Variants in SGCZ observed in about 807,000 individuals in gnomAD.
The protein encoded by SGCZ is sarcoglycan zeta, also known as zeta-sarcoglycan.
In SGCZ, 40 loss-of-function variants were observed where a neutral mutation model predicts 41.3. The ratio of observed to expected loss-of-function variants is 0.97; its 90% CI spans 0.75 to 1.26. SGCZ has a LOEUF of 1.26. Among genes scored for constraint, SGCZ ranks in the 50% most tolerant of loss-of-function variants. The pLI is 0.00. For synonymous variants in SGCZ, 206 were observed against 137.5 expected (o/e 1.50, Z -3.49); for missense variants, 552 against 369.8 (o/e 1.49, Z -4.04).
intron 1 of SGCZ, among the ~76,000 whole-genome samples, chr8:14,841,856 T>C (rs1802927541): frequency 6.6e-6 from 1 of 152,140 alleles, no homozygotes; most frequent in African/African-American, 2.4e-5. Context: ...CATCAAACTG[T>C]TAATGAATGA....
intron 1 of SGCZ, among the ~76,000 whole-genome samples, chr8:15,097,071 C>A (rs2410232): frequency 1.3e-5 from 2 of 152,054 alleles, no homozygotes; most frequent in South Asian, 2.1e-4. Flanking sequence ...CTGCCTCAGC[C>A]TCCTGAATAG....
At chr8:14,868,247 C>T (rs1204797891) in intron 1 of SGCZ, among the ~76,000 whole-genome samples, 2 of 152,156 alleles carry the variant, frequency 1.3e-5, no homozygotes, top group Non-Finnish European at 2.9e-5. Flanking sequence ...CCTCATGCAA[C>T]TCGGTGACCT....
chr8:15,112,161 C>T (rs1310954588), intron 1 of SGCZ, among the ~76,000 whole-genome samples: 1 of 152,126 alleles, frequency 6.6e-6, no homozygotes, highest in African/African-American at 2.4e-5. Flanking sequence ...ATAAGAAGGC[C>T]TTGACTCTTT....
intron 1 of SGCZ, among the ~76,000 whole-genome samples, chr8:15,063,145 T>C (rs1212247119): frequency 6.6e-6 from 1 of 152,174 alleles, no homozygotes; most frequent in East Asian, 1.9e-4. Context: ...TCCACGGTGC[T>C]ATGTATGATT....
At chr8:14,632,177 C>A (rs1009856892) in intron 1 of SGCZ, among the ~76,000 whole-genome samples, 1 of 151,878 alleles carries the variant, frequency 6.6e-6, no homozygotes, top group Non-Finnish European at 1.5e-5. Flanking sequence ...CGCCACCATG[C>A]CTGGCTAATT....
chr8:14,885,873 G>A (rs1021294907), intron 1 of SGCZ, among the ~76,000 whole-genome samples: 42 of 150,950 alleles, frequency 2.8e-4, no homozygotes, highest in Admixed American at 1.5e-3. Flanking sequence ...GGAAGAACAT[G>A]AAAATACATA....
At chr8:14,543,355 T>C (rs566163649) in intron 2 of SGCZ, among the ~76,000 whole-genome samples, 1 of 152,198 alleles carries the variant, frequency 6.6e-6, no homozygotes, top group African/African-American at 2.4e-5. Context: ...AATTATGGTC[T>C]GGACATTTCT....
intron 1 of SGCZ, among the ~76,000 whole-genome samples, chr8:15,177,066 T>C (rs1800021513): frequency 6.6e-6 from 1 of 152,226 alleles, no homozygotes; most frequent in Non-Finnish European, 1.5e-5. Context: ...ACTTTTTTAA[T>C]GTGTGAGCAT....
chr8:14,299,577 T>C (rs1449477715), intron 3 of SGCZ, among the ~76,000 whole-genome samples: 1 of 151,922 alleles, frequency 6.6e-6, no homozygotes, highest in African/African-American at 2.4e-5. Flanking sequence ...TCATTTGCCA[T>C]CAGGGAAATG....
At chr8:14,395,638 C>T (rs753161045) in intron 2 of SGCZ, among the ~76,000 whole-genome samples, 2 of 152,140 alleles carry the variant, frequency 1.3e-5, no homozygotes, top group Admixed American at 1.3e-4. Context: ...AGTGACCCCA[C>T]AAAAAGTTAC....
chr8:14,521,912 G>T (rs749144850), intron 2 of SGCZ, among the ~76,000 whole-genome samples: 1 of 152,054 alleles, frequency 6.6e-6, no homozygotes, highest in Non-Finnish European at 1.5e-5. Context: ...GATGCTGTAC[G>T]TCAATTTAAG....
At chr8:14,261,706 T>C (rs34992346) in intron 3 of SGCZ, among the ~76,000 whole-genome samples, 32,194 of 152,032 alleles carry the variant, frequency 0.21, 4,496 homozygotes, top group Non-Finnish European at 0.31. Flanking sequence ...AACAAAAGAA[T>C]GATCAAACCA....
At chr8:15,218,324 C>T (rs1336408851) in intron 1 of SGCZ, among the ~76,000 whole-genome samples, 2 of 152,050 alleles carry the variant, frequency 1.3e-5, no homozygotes, top group Admixed American at 1.3e-4. Context: ...ATACCCAGAA[C>T]CTGAGACTAG....
At chr8:14,520,551 A>G (rs1228930424) in intron 2 of SGCZ, among the ~76,000 whole-genome samples, 6 of 152,102 alleles carry the variant, frequency 3.9e-5, no homozygotes, top group Non-Finnish European at 5.9e-5. Context: ...AAACACATCA[A>G]TTTCCTCCCT....
intron 3 of SGCZ, among the ~76,000 whole-genome samples, chr8:14,243,757 A>G (rs1213131970): frequency 6.6e-6 from 1 of 152,128 alleles, no homozygotes; most frequent in Non-Finnish European, 1.5e-5. Flanking sequence ...GTCCAAGTCT[A>G]AGTCCTGTCC....
At chr8:14,840,977 G>A (rs749364635) in intron 1 of SGCZ, among the ~76,000 whole-genome samples, 1 of 151,894 alleles carries the variant, frequency 6.6e-6, no homozygotes, top group Non-Finnish European at 1.5e-5. Flanking sequence ...TTATTACTAT[G>A]AAGTCAGTCT....
At chr8:15,079,459 T>C (rs936241739) in intron 1 of SGCZ, among the ~76,000 whole-genome samples, 1 of 152,198 alleles carries the variant, frequency 6.6e-6, no homozygotes, top group Non-Finnish European at 1.5e-5. Flanking sequence ...TAAGATGAAA[T>C]TATTTTTTCT....
intron 1 of SGCZ, among the ~76,000 whole-genome samples, chr8:14,823,111 C>T (rs1802171027): frequency 7.2e-6 from 1 of 139,342 alleles, no homozygotes; most frequent in Admixed American, 7.2e-5. Flanking sequence ...AAACATGAAA[C>T]CGTGAAGCTA....
chr8:14,157,212 C>T (rs752502905), intron 5 of SGCZ, among the ~76,000 whole-genome samples: 10 of 150,756 alleles, frequency 6.6e-5, no homozygotes, highest in Non-Finnish European at 1.3e-4. Flanking sequence ...CCTGGGACCA[C>T]CAATGTATAT....
Sources: allele counts gnomAD v4.1 joint callset (sites outside exome capture counted in the v4.1 genomes callset), GRCh38; gene constraint gnomAD v4.1.1; transcripts MANE v1.5; gene names NCBI Gene and HGNC (gene_info 2026-07-23, HGNC 2026-07-21).